The following KCNJ6 variants were observed in gnomAD, a reference collection of about 807,000 sequenced individuals.
The protein encoded by KCNJ6 is G protein-activated inward rectifier potassium channel 2.
KCNJ6 carries 9 observed loss-of-function variants against 34.2 expected under a neutral mutation model. The ratio of observed to expected loss-of-function variants is 0.26; its 90% CI spans 0.16 to 0.46. The LOEUF is 0.46. Ranked by LOEUF, KCNJ6 falls within the 20% of genes least tolerant of loss-of-function variation. The probability of loss-of-function intolerance (pLI) is 1.00; values close to 1 mark genes in which losing one functional copy is unlikely to be tolerated. For synonymous variants in KCNJ6, 196 were observed against 207.1 expected (o/e 0.95, Z 0.46); for missense variants, 236 against 531.3 (o/e 0.44, Z 5.46).
chr21:37,709,935 TC>T (rs1471072719), intron 3 of KCNJ6, among the ~76,000 whole-genome samples: 3 of 152,230 alleles, frequency 2.0e-5, no homozygotes, highest in African/African-American at 7.2e-5. Context: ...GATGGCAACT[TC>T]CGATTAATTG....
chr21:37,759,835 G>A (rs772498909), intron 2 of KCNJ6, among the ~76,000 whole-genome samples: 10 of 152,168 alleles, frequency 6.6e-5, no homozygotes, highest in Non-Finnish European at 1.3e-4. Flanking sequence ...TAGTGATCCC[G>A]TTCTGCAGAT....
intron 2 of KCNJ6, among the ~76,000 whole-genome samples, chr21:37,761,088 C>T (rs1464486105): frequency 6.6e-6 from 1 of 151,942 alleles, no homozygotes; most frequent in Non-Finnish European, 1.5e-5. Flanking sequence ...AGAGTAAGGG[C>T]CAATGGTGGT....
intron 1 of KCNJ6, among the ~76,000 whole-genome samples, chr21:37,851,899 C>CTTT (rs60086556): frequency 6.9e-6 from 1 of 144,896 alleles, no homozygotes; most frequent in Admixed American, 6.8e-5. Context: ...TCTCTGAGTT[C>CTTT]TTTTTTTTTT....
At chr21:37,810,483 C>G (rs1347260726) in intron 2 of KCNJ6, among the ~76,000 whole-genome samples, 1 of 152,168 alleles carries the variant, frequency 6.6e-6, no homozygotes, top group Non-Finnish European at 1.5e-5. Context: ...TGAGGATAAT[C>G]TACTTGTCAA....
chr21:37,871,097 C>A (rs950560997), intron 1 of KCNJ6, among the ~76,000 whole-genome samples: 10 of 152,072 alleles, frequency 6.6e-5, no homozygotes, highest in Non-Finnish European at 1.0e-4. Flanking sequence ...GTTGAGGGCT[C>A]CACTGACTGC....
chr21:37,911,874 T>A (rs1167366177), intron 1 of KCNJ6, among the ~76,000 whole-genome samples: 1 of 152,198 alleles, frequency 6.6e-6, no homozygotes, highest in Non-Finnish European at 1.5e-5. Flanking sequence ...TAAGATTCCA[T>A]AAGGGTATTT....
chr21:37,778,696 C>CATGT lies in KCNJ6; in HGVS notation c.25+61961_25+61962insACAT, dbSNP rs1555843343. Among the ~76,000 whole-genome samples, 49 of 146,268 alleles carry CATGT rather than the reference C, an allele frequency of 3.4e-4. No individual in the cohort carries two copies. The South Asian group carries it at 1.0e-2, about 30-fold the overall frequency. On this transcript the variant is annotated intron_variant, in intron 2 of 3. Coordinates refer to ENST00000609713, the MANE Select transcript of KCNJ6 (RefSeq NM_002240.5). ...ATTGTGTGTATCCGTGTGCTGTGTG[C>CATGT]GTGTGTGTGTGTGTGTGTGTGTGTG...
intron 1 of KCNJ6, among the ~76,000 whole-genome samples, chr21:37,869,707 A>G (rs1319700269): frequency 6.6e-6 from 1 of 152,212 alleles, no homozygotes; most frequent in African/African-American, 2.4e-5. Flanking sequence ...TCCTTGAATG[A>G]TTTAATTCCA....
rs570433416 is a variant in KCNJ6, at chr21:37,729,759, G to A, written c.26-14628C>T. Among the ~76,000 whole-genome samples, 3 of 152,368 alleles carry A rather than the reference G, an allele frequency of 2.0e-5. 1 individual carries two copies. In the South Asian group the frequency reaches 6.2e-4, roughly 32 times the overall value. On this transcript the variant is annotated intron_variant, in intron 2 of 3. Coordinates refer to ENST00000609713, the MANE Select transcript of KCNJ6 (RefSeq NM_002240.5). The stretch of plus-strand genomic sequence containing the variant: ...AAAGATGCCCAGATGAGGGGAGAAA[G>A]AGGGTGGAAACCTAGTCAATGCTTC...
At chr21:37,630,112 C>CAG (rs1358736099) in intron 3 of KCNJ6, among the ~76,000 whole-genome samples, 2 of 91,124 alleles carry the variant, frequency 2.2e-5, no homozygotes, top group Non-Finnish European at 4.9e-5. Flanking sequence ...ATAAGCAAGG[C>CAG]AGAACTGCCA....
chr21:37,783,414 G>A (rs1264511426), intron 2 of KCNJ6, among the ~76,000 whole-genome samples: 1 of 152,088 alleles, frequency 6.6e-6, no homozygotes, highest in African/African-American at 2.4e-5. Flanking sequence ...GAGATCTGAT[G>A]GTTTTATCAG....
chr21:37,709,140 G>T (rs1016237944), intron 3 of KCNJ6, among the ~76,000 whole-genome samples: 3 of 105,582 alleles, frequency 2.8e-5, no homozygotes, highest in African/African-American at 1.4e-4. Context: ...GGAAACAGAA[G>T]AACCTTAAAG....
rs2054288200 is a variant in KCNJ6 at position 37,620,969 on chromosome 21, A to T, written c.*4190T>A. The stretch of plus-strand genomic sequence containing the variant: ...TTACTCAATTTTAAATTAAAGGCTA[A>T]CATTTTCTTAGATACCGGTTGGCCA... On this transcript the variant is annotated 3_prime_UTR_variant, in exon 4 of 4. Transcript: ENST00000609713. 6.6e-6 allele frequency: 1 copy of T among 152,238 alleles called. No individual in the cohort carries two copies. The highest frequency in any genetic ancestry group is 1.5e-5 in the Non-Finnish European group (1 of 68,044). 9.4% of individuals were successfully genotyped at this position (152,238 alleles called of 1,614,324 possible). A position where few individuals can be genotyped will look rare whatever the true frequency, so the allele number is the denominator to read the frequency against.
chr21:37,730,788 G>A (rs1206907332), intron 2 of KCNJ6, among the ~76,000 whole-genome samples: 1 of 152,180 alleles, frequency 6.6e-6, no homozygotes, highest in African/African-American at 2.4e-5. Context: ...AGAGGCCAAC[G>A]GTGGCTGGAC....
In KCNJ6 at chr21:37,760,385, C is replaced by T. The variant is rs1300403586; in HGVS notation, c.26-45254G>A. ...GAGTCAGAATTTGGACAGAGGCAGT[C>T]TGATTCCAGAGTCCACACCCCTGAG... On this transcript the variant is annotated intron_variant, in intron 2 of 3. Transcript: ENST00000609713. Among the ~76,000 whole-genome samples, 3 of 152,202 alleles carry T rather than the reference C, an allele frequency of 2.0e-5. No individual in the cohort carries two copies. The East Asian group carries it at 5.8e-4, about 29-fold the overall frequency.
chr21:37,795,193 A>C (rs1304350978), intron 2 of KCNJ6, among the ~76,000 whole-genome samples: 1 of 152,210 alleles, frequency 6.6e-6, no homozygotes, highest in Non-Finnish European at 1.5e-5. Flanking sequence ...ATTTTAGAAA[A>C]ACTTCCATCA....
At chr21:37,667,702 GGT>G (rs2054522941) in intron 3 of KCNJ6, among the ~76,000 whole-genome samples, 1 of 151,950 alleles carries the variant, frequency 6.6e-6, no homozygotes. Flanking sequence ...GGCACTGCAG[GGT>G]GTTTAGCAGC....
intron 2 of KCNJ6, among the ~76,000 whole-genome samples, chr21:37,782,965 A>T (rs1205651838): frequency 1.3e-5 from 2 of 152,150 alleles, no homozygotes; most frequent in East Asian, 3.9e-4. Flanking sequence ...GTCCCCAAAC[A>T]TTTTAATTCC....
At chr21:37,631,683 T>C (rs2054334295) in intron 3 of KCNJ6, among the ~76,000 whole-genome samples, 1 of 152,224 alleles carries the variant, frequency 6.6e-6, no homozygotes, top group Middle Eastern at 3.4e-3. Context: ...AGTGTAGAAC[T>C]GGGGCCCCAA....
Sources: allele counts gnomAD v4.1 joint callset (sites outside exome capture counted in the v4.1 genomes callset), GRCh38; gene constraint gnomAD v4.1.1; transcripts MANE v1.5; gene names NCBI Gene and HGNC (gene_info 2026-07-23, HGNC 2026-07-21).